FGD4: variants seen among roughly 807,000 people sequenced by gnomAD.
The protein encoded by FGD4 is FYVE, RhoGEF and PH domain containing 4.
A neutral mutation model predicts 102.0 loss-of-function variants in FGD4; 42 were observed. That is an observed-to-expected ratio of 0.41 (90% CI 0.32 to 0.53). The LOEUF (loss-of-function observed/expected upper bound fraction) is 0.53. Among genes scored for constraint, FGD4 ranks in the 20% least tolerant of loss-of-function variants. The pLI is 0.21. For synonymous variants in FGD4, 380 were observed against 375.7 expected, an observed-to-expected ratio of 1.01 and a Z score of -0.13; for missense variants, 902 against 1,078.2, an observed-to-expected ratio of 0.84 and a Z score of 2.29.
chr12:32,625,173 G>T, intron 13 of FGD4, 105 bp downstream of exon 13: 1 of 918,006 alleles, frequency 1.1e-6, no homozygotes. Context: ...TACAATGTCA[G>T]AACTGGCTGG....
At chr12:32,444,712 T>C (rs2136461957) in intron 1 of FGD4, among the ~76,000 whole-genome samples, 1 of 152,318 alleles carries the variant, frequency 6.6e-6, no homozygotes, top group Middle Eastern at 3.4e-3. Flanking sequence ...GCCTAAGCAA[T>C]GATTTTTGAC....
intron 1 of FGD4, among the ~76,000 whole-genome samples, chr12:32,481,127 CAAAAAAAAAAAAAAAA>C (rs1157108520): frequency 1.1e-4 from 3 of 27,354 alleles, no homozygotes; most frequent in African/African-American, 3.7e-4. Flanking sequence ...GACTCCGTCT[CAAAAAAAAAAAAAAAA>C]AAAAAAAAAA....
At chr12:32,473,272 G>A (rs1399242513) in intron 1 of FGD4, among the ~76,000 whole-genome samples, 1 of 151,800 alleles carries the variant, frequency 6.6e-6, no homozygotes, top group Non-Finnish European at 1.5e-5. Context: ...CCACACTGTG[G>A]AAGTTTTGTT....
chr12:32,464,275 C>T (rs1462400398), intron 1 of FGD4, among the ~76,000 whole-genome samples: 1 of 152,146 alleles, frequency 6.6e-6, no homozygotes, highest in East Asian at 1.9e-4. Context: ...GCCTCAGCCT[C>T]CCAAGTAGCT....
intron 1 of FGD4, among the ~76,000 whole-genome samples, chr12:32,498,113 G>A (rs1388697495): frequency 1.3e-5 from 2 of 152,092 alleles, no homozygotes; most frequent in African/African-American, 4.8e-5. Context: ...TTATAATTAG[G>A]GAGTTGTCGT....
In FGD4 at chr12:32,619,289, T is replaced by G. The variant is rs370767260; in HGVS notation, c.1750-409T>G. Among the ~76,000 whole-genome samples, 11 of 152,310 alleles carry G rather than the reference T, an allele frequency of 7.2e-5. 2 individuals are homozygous for G. The highest frequency in any genetic ancestry group is 1.3e-4 in the Admixed American group (2 of 15,298). ...TTTTCTCATGCAGGAAGTACTGTGTTGTCTAGAAATTACTTAGAATTTTTG... is the reference window on the plus strand; with the variant it reads ...TTTTCTCATGCAGGAAGTACTGTGTGGTCTAGAAATTACTTAGAATTTTTG... On this transcript the variant is annotated intron_variant, in intron 10 of 16. Coordinates refer to ENST00000534526, the MANE Select transcript of FGD4 (RefSeq NM_001370298.3).
chr12:32,580,936 A>G lies in FGD4; in HGVS notation c.504-1024A>G, dbSNP rs142673655. On this transcript the variant is annotated intron_variant, in intron 3 of 16. Coordinates refer to ENST00000534526, the MANE Select transcript of FGD4 (RefSeq NM_001370298.3). ...CAAATATTTCCACAGGAATATTGTT[A>G]TATGTTGGGAGTAAGTTTCATTCTC... Among the ~76,000 whole-genome samples, 670 of 152,058 alleles carry G rather than the reference A, an allele frequency of 4.4e-3. 6 individuals are homozygous for G. Among genetic ancestry groups the G allele is most frequent in the African/African-American group, 0.015 (642 of 41,514 alleles).
rs143691745 is a variant in FGD4, at chr12:32,611,983, G to A, written c.1749+700G>A. 6.4e-3 allele frequency among the ~76,000 whole-genome samples: 969 copies of A among 152,336 alleles called. 8 individuals carry two copies. The highest frequency in any genetic ancestry group is 0.02 in the African/African-American group (845 of 41,584). Reference sequence around the variant, plus strand: ...TCTCCCCGCTCCCAATGCCTGTTCCGATTTCGGAGCAAATTTGGAGCCAAG... The same window carrying A: ...TCTCCCCGCTCCCAATGCCTGTTCCAATTTCGGAGCAAATTTGGAGCCAAG... On this transcript the variant is annotated intron_variant, in intron 10 of 16. Coordinates refer to ENST00000534526, the MANE Select transcript of FGD4 (RefSeq NM_001370298.3).
At chr12:32,467,827 C>G (rs1225077674) in intron 1 of FGD4, among the ~76,000 whole-genome samples, 1 of 152,072 alleles carries the variant, frequency 6.6e-6, no homozygotes, top group Non-Finnish European at 1.5e-5. Flanking sequence ...ACCAGCCTGG[C>G]CAACGTGGTG....
At chr12:32,512,453 A>T (rs1939475852) in intron 1 of FGD4, among the ~76,000 whole-genome samples, 1 of 151,902 alleles carries the variant, frequency 6.6e-6, no homozygotes, top group African/African-American at 2.4e-5. Context: ...TCTCAAAAAA[A>T]AAAAAAAGTA....
intron 1 of FGD4, among the ~76,000 whole-genome samples, chr12:32,455,838 A>G (rs541011724): frequency 6.6e-5 from 10 of 152,284 alleles, no homozygotes; most frequent in African/African-American, 2.4e-4. Context: ...GCTATAAATG[A>G]ATTAAATAAT....
chr12:32,563,122 A>T (rs1466072294), intron 1 of FGD4, among the ~76,000 whole-genome samples: 2 of 133,608 alleles, frequency 1.5e-5, no homozygotes, highest in African/African-American at 5.8e-5. Flanking sequence ...CCCGGACGGG[A>T]CGGCTGGCCT....
At chr12:32,551,228 C>G (rs758456847) in intron 1 of FGD4, among the ~76,000 whole-genome samples, 27 of 152,074 alleles carry the variant, frequency 1.8e-4, no homozygotes, top group Admixed American at 1.3e-4. Context: ...ACAGGGCAGA[C>G]CTAGAAGGAG....
At chr12:32,515,525 G>C (rs1032656056) in intron 1 of FGD4, among the ~76,000 whole-genome samples, 2 of 152,194 alleles carry the variant, frequency 1.3e-5, no homozygotes, top group Non-Finnish European at 2.9e-5. Context: ...ATAGACCGTA[G>C]GGCTGAGTTA....
At chr12:32,427,561 T>A (rs1183221977) in intron 1 of FGD4, among the ~76,000 whole-genome samples, 1 of 152,224 alleles carries the variant, frequency 6.6e-6, no homozygotes, top group South Asian at 2.1e-4. Flanking sequence ...GGTAGAGAGT[T>A]CTGTAGATGT....
At position 32,453,237 on chromosome 12, in the gene FGD4, ATTTTT is replaced by A. The variant is rs60006767; in HGVS notation, c.166+53287_166+53291del. 1.9e-3 allele frequency among the ~76,000 whole-genome samples: 173 copies of A among 90,514 alleles called. 4 individuals are homozygous for A. The East Asian group carries it at 0.024, about 13-fold the overall frequency. The allele number at this position is 90,514 out of a possible 152,430, so 59.4% of individuals were successfully genotyped here. A position where few individuals can be genotyped will look rare whatever the true frequency, so the allele number is the denominator to read the frequency against. On this transcript the variant is annotated intron_variant, in intron 1 of 16. Coordinates refer to ENST00000534526, the MANE Select transcript of FGD4 (RefSeq NM_001370298.3). ...ATATATATAATATAGATATATATAT[ATTTTT>A]TTTTTTTTAAATGTAGAGCCTCACT... is the stretch of plus-strand genomic sequence containing the variant.
rs985705305 is a variant in FGD4, at chr12:32,604,919, A to C, written c.1404+2602A>C. On this transcript the variant is annotated intron_variant, in intron 7 of 16. Coordinates refer to ENST00000534526, the MANE Select transcript of FGD4 (RefSeq NM_001370298.3). ...ATGCAAATATTGTTTTGTCAATTTT[A>C]TCTAGCTTTATAGCTGCTTTTTTTT... Among the ~76,000 whole-genome samples the C allele has an allele frequency of 3.0e-5, 4 of 134,802 alleles. No individual in the cohort carries two copies. The South Asian group carries it at 9.4e-4, about 32-fold the overall frequency. 88.4% of individuals were successfully genotyped at this position (134,802 alleles called of 152,430 possible).
intron 1 of FGD4, among the ~76,000 whole-genome samples, chr12:32,434,625 G>T (rs1942164227): frequency 6.6e-6 from 1 of 152,168 alleles, no homozygotes; most frequent in African/African-American, 2.4e-5. Flanking sequence ...GATTCCAGTA[G>T]CTCTGTGATT....
intron 1 of FGD4, among the ~76,000 whole-genome samples, chr12:32,491,532 T>A (rs1311510941): frequency 6.6e-6 from 1 of 152,250 alleles, no homozygotes; most frequent in African/African-American, 2.4e-5. Context: ...TTAACCTTTT[T>A]TCGTTGGTAA....
Sources: gnomAD v4.1 joint callset for allele counts (sites outside exome capture counted in the v4.1 genomes callset) on GRCh38, gnomAD v4.1.1 for gene constraint, MANE v1.5 for transcripts, NCBI Gene and HGNC (gene_info 2026-07-23, HGNC 2026-07-21) for gene names.